Variants in SLC12A1 observed in about 807,000 individuals in gnomAD.
The protein encoded by SLC12A1 is solute carrier family 12 member 1.
Under a neutral mutation model 130.4 loss-of-function variants are expected in SLC12A1, and 89 were observed. That is an observed-to-expected ratio of 0.68 (90% CI 0.58 to 0.81). The LOEUF is 0.81. SLC12A1 is among the 40% of genes least tolerant of loss of function. The pLI, the probability that SLC12A1 is intolerant of heterozygous loss-of-function variation, is 0.00. For synonymous variants in SLC12A1, 499 were observed against 460.0 expected (o/e 1.08, Z -1.09); for missense variants, 1,310 against 1,336.4 (o/e 0.98, Z 0.31).
At chr15:48,258,344 G>A (rs2041732151) in intron 16 of SLC12A1, among the ~76,000 whole-genome samples, 1 of 53,982 alleles carries the variant, frequency 1.9e-5, no homozygotes, top group South Asian at 6.4e-4. Context: ...CTGGGCGACA[G>A]AGCGAGACTC....
intron 17 of SLC12A1, among the ~76,000 whole-genome samples, chr15:48,265,593 C>T (rs1287590215): frequency 6.6e-6 from 1 of 152,160 alleles, no homozygotes; most frequent in Non-Finnish European, 1.5e-5. Flanking sequence ...TTTCCTTAGA[C>T]TAGGTCATCT....
intron 21 of SLC12A1, among the ~76,000 whole-genome samples, chr15:48,287,670 G>A (rs1228023196): frequency 1.3e-5 from 2 of 152,086 alleles, no homozygotes; most frequent in African/African-American, 4.8e-5. Flanking sequence ...TATCATTAAG[G>A]TGATTTATAT....
At chr15:48,269,202 C>G (rs947499116) in intron 18 of SLC12A1, among the ~76,000 whole-genome samples, 1 of 152,128 alleles carries the variant, frequency 6.6e-6, no homozygotes, top group Non-Finnish European at 1.5e-5. Flanking sequence ...TTCAGTCACT[C>G]TTCAATAAAT....
chr15:48,245,812 A>G (rs1597423544), intron 11 of SLC12A1, among the ~76,000 whole-genome samples: 1 of 152,246 alleles, frequency 6.6e-6, no homozygotes, highest in African/African-American at 2.4e-5. Flanking sequence ...GTCAAATGAC[A>G]GTCCTGTTTT....
intron 9 of SLC12A1, among the ~76,000 whole-genome samples, chr15:48,238,383 A>G (rs1340396739): frequency 6.6e-6 from 1 of 152,220 alleles, no homozygotes; most frequent in Non-Finnish European, 1.5e-5. Flanking sequence ...TAATGCAGGT[A>G]TGTGCAAAAG....
chr15:48,208,007 C>T lies in SLC12A1; in HGVS notation c.288C>T (p.Tyr96=). Residue 96 remains tyrosine, a synonymous_variant, in exon 2 of 27, where the codon TAC becomes TAT. Coordinates refer to ENST00000380993, the MANE Select transcript of SLC12A1 (RefSeq NM_000338.3). Reference sequence around the variant, plus strand: ...CTTATGATTCTCACACAAACACATACTATCTACAAACTTTTGGCCACAACA... The same window carrying T: ...CTTATGATTCTCACACAAACACATATTATCTACAAACTTTTGGCCACAACA... The part of the protein sequence containing the change: ...FHAYDSHTNT[Y]YLQTFGHNTM... The T allele has an allele frequency of 1.2e-6, 2 of 1,613,982 alleles. No homozygotes were observed. The highest frequency in any genetic ancestry group is 1.7e-6 in the Non-Finnish European group (2 of 1,179,888).
In SLC12A1 at chr15:48,258,080, G is replaced by A. The variant is rs144741684; in HGVS notation, c.2043-1120G>A. Among the ~76,000 whole-genome samples the A allele has an allele frequency of 1.1e-3, 79 of 74,162 alleles. 25 individuals are homozygous for A. In the African/African-American group the frequency reaches 0.015, roughly 14 times the overall value. 48.7% of individuals were successfully genotyped at this position (74,162 alleles called of 152,430 possible). A position where few individuals can be genotyped will look rare whatever the true frequency, so the allele number is the denominator to read the frequency against. On this transcript the variant is annotated intron_variant, in intron 16 of 26. Transcript: ENST00000380993. The stretch of plus-strand genomic sequence containing the variant: ...TTTGCACAGCAAGAGTGACCTTTAC[G>A]GCCGGGCGCGGTGGCTCACGCCTGT...
chr15:48,271,862 C>A (rs949486398), intron 19 of SLC12A1, among the ~76,000 whole-genome samples: 1 of 152,174 alleles, frequency 6.6e-6, no homozygotes, highest in Non-Finnish European at 1.5e-5. Context: ...TGGAAATTGA[C>A]CAGATCTGTC....
At chr15:48,283,090 C>T (rs984164520) in intron 20 of SLC12A1, among the ~76,000 whole-genome samples, 4 of 152,114 alleles carry the variant, frequency 2.6e-5, no homozygotes, top group Non-Finnish European at 4.4e-5. Context: ...AAAATAACTC[C>T]CAGGCATCTC....
chr15:48,297,140 A>G (rs1431520227), intron 24 of SLC12A1, among the ~76,000 whole-genome samples: 1 of 152,112 alleles, frequency 6.6e-6, no homozygotes, highest in Non-Finnish European at 1.5e-5. Context: ...CTTTTTTTTA[A>G]TAAAATCATC....
chr15:48,236,355 T>G (rs530747438), intron 9 of SLC12A1, among the ~76,000 whole-genome samples: 30 of 152,306 alleles, frequency 2.0e-4, no homozygotes, highest in African/African-American at 6.7e-4. Flanking sequence ...AAAGTCTGGA[T>G]GCTGGCTATT....
intron 10 of SLC12A1, among the ~76,000 whole-genome samples, chr15:48,243,325 C>T (rs1284260044): frequency 6.6e-6 from 1 of 152,048 alleles, no homozygotes; most frequent in Non-Finnish European, 1.5e-5. Flanking sequence ...TTAAAAGGAT[C>T]CCTGCACTGA....
At chr15:48,243,404 T>A (rs1176692016) in intron 10 of SLC12A1, among the ~76,000 whole-genome samples, 1 of 152,092 alleles carries the variant, frequency 6.6e-6, no homozygotes, top group Non-Finnish European at 1.5e-5. Context: ...ACGCCTGTAA[T>A]CCCAGCACTT....
intron 2 of SLC12A1, among the ~76,000 whole-genome samples, chr15:48,209,056 C>T (rs2041018803): frequency 6.6e-6 from 1 of 152,084 alleles, no homozygotes; most frequent in South Asian, 2.1e-4. Context: ...AGAAGTGAGG[C>T]AGCACTTTTC....
At chr15:48,216,206 A>T (rs1289632818) in intron 2 of SLC12A1, among the ~76,000 whole-genome samples, 1 of 152,174 alleles carries the variant, frequency 6.6e-6, no homozygotes, top group Non-Finnish European at 1.5e-5. Context: ...TAACTTGCAC[A>T]TATAGTGGTT....
Position 48,299,143 on chromosome 15 carries a change from G to C in SLC12A1, c.2964G>C (p.Trp988Cys). The stretch of plus-strand genomic sequence containing the variant: ...TCCTTTATAATTCAAATTTTAGCTG[G>C]AAAGTCTTTGAAGAGATGATTGAAC... ...DINIRPNKES[W>C]KVFEEMIEPY... Residue 988 changes from tryptophan (W) to cysteine (C), a missense_variant, in exon 25 of 27, where the codon TGG (tryptophan) becomes TGC (cysteine). Transcript: ENST00000380993. 1 of 1,598,708 alleles carries C rather than the reference G, an allele frequency of 6.3e-7. No homozygotes were observed. Among genetic ancestry groups the C allele is most frequent in the African/African-American group, 1.4e-5 (1 of 73,864 alleles).
chr15:48,238,013 GAGA>G (rs1382485174), intron 9 of SLC12A1, among the ~76,000 whole-genome samples: 1 of 152,078 alleles, frequency 6.6e-6, no homozygotes. Flanking sequence ...TTAGAATTAG[GAGA>G]AGAAATAGAA....
chr15:48,296,161 A>G (rs1266160599), intron 24 of SLC12A1, among the ~76,000 whole-genome samples: 1 of 152,114 alleles, frequency 6.6e-6, no homozygotes, highest in Non-Finnish European at 1.5e-5. Flanking sequence ...ATCACTCACT[A>G]TTCTTTCTTG....
At chr15:48,275,570 A>AT (rs2141098936) in intron 20 of SLC12A1, among the ~76,000 whole-genome samples, 1 of 152,306 alleles carries the variant, frequency 6.6e-6, no homozygotes, top group East Asian at 1.9e-4. Flanking sequence ...GATGCACTGG[A>AT]TGAGTAGGAG....
Sources: allele counts gnomAD v4.1 joint callset (sites outside exome capture counted in the v4.1 genomes callset), GRCh38; gene constraint gnomAD v4.1.1; transcripts MANE v1.5; gene names NCBI Gene and HGNC (gene_info 2026-07-23, HGNC 2026-07-21).